ATXN7L3: variants seen among roughly 807,000 people sequenced by gnomAD.
The protein encoded by ATXN7L3 is ataxin-7-like protein 3.
A neutral mutation model predicts 50.0 loss-of-function variants in ATXN7L3; 6 were observed. The observed-to-expected ratio is 0.12, with a 90% confidence interval of 0.07 to 0.24. The LOEUF (loss-of-function observed/expected upper bound fraction) is 0.24, where lower values mean the gene tolerates loss of function less well. Among genes scored for constraint, ATXN7L3 ranks in the 10% least tolerant of loss-of-function variants. The pLI is 1.00. For missense variants in ATXN7L3, 322 were observed against 451.3 expected (o/e 0.71, Z 2.60); for synonymous variants, 198 against 165.8 (o/e 1.19, Z -1.49).
intron 9 of ATXN7L3, 42 bp downstream of exon 9, chr17:44,195,377 G>T: frequency 1.3e-6 from 2 of 1,589,978 alleles, no homozygotes; most frequent in Non-Finnish European, 1.7e-6. Flanking sequence ...TATGGCTCCA[G>T]CCCACTCCCA....
In ATXN7L3 at chr17:44,199,681, G is replaced by T. The variant is rs1197265949; in HGVS notation, c.-246C>A. 7.1e-6 allele frequency: 1 copy of T among 140,538 alleles called. No individual in the cohort carries two copies. The highest frequency in any genetic ancestry group is 1.6e-5 in the Non-Finnish European group (1 of 63,420). The allele number at this position is 140,538 out of a possible 1,614,324, so 8.7% of individuals were successfully genotyped here. A position where few individuals can be genotyped will look rare whatever the true frequency, so the allele number is the denominator to read the frequency against. On this transcript the variant is annotated 5_prime_UTR_variant, in exon 1 of 13. Transcript: ENST00000587097. ...CCTGGCCGCCTCACCGGGCGGCCATGGCCCCTTCCCCTCCCTTCTTGTCCC... is the reference window on the plus strand; with the variant it reads ...CCTGGCCGCCTCACCGGGCGGCCATTGCCCCTTCCCCTCCCTTCTTGTCCC...
At chr17:44,197,070 G>A (rs759707737) in intron 4 of ATXN7L3, 44 bp from the exon 5 acceptor site, 3 of 1,572,388 alleles carry the variant, frequency 1.9e-6, no homozygotes, top group African/African-American at 2.7e-5. Flanking sequence ...GGAAGGAAGA[G>A]AAAGGGGTCA....
chr17:44,195,105 C>A lies in ATXN7L3; in HGVS notation c.657G>T (p.Met219Ile). 1 of 1,614,162 alleles carries A rather than the reference C, an allele frequency of 6.2e-7. No homozygotes were observed. Residue 219 changes from methionine (M) to isoleucine (I), a missense_variant, in exon 10 of 13, where the codon ATG becomes ATT. Transcript: ENST00000587097. ...CTAGGTTCTGTGCTCACCTTGTGCA[C>A]ATCTTCTTGGTGTGTTCAGAAATCA... Reference protein sequence around the residue: ...CGVISEHTKKMCTRSLRCPQH... With the variant: ...CGVISEHTKKICTRSLRCPQH...
At chr17:44,195,635 C>A in intron 8 of ATXN7L3, 148 bp from the exon 9 acceptor site, 1 of 1,191,076 alleles carries the variant, frequency 8.4e-7, no homozygotes, top group Non-Finnish European at 1.2e-6. Context: ...CTCATCCCAT[C>A]TGCCAATGGA....
Position 44,194,107 on chromosome 17 carries a change from C to T in ATXN7L3, c.*156G>A, listed in dbSNP as rs2055792652. 3 of 970,032 alleles carry T rather than the reference C, an allele frequency of 3.1e-6. No individual in the cohort carries two copies. Among genetic ancestry groups the T allele is most frequent in the Admixed American group, 2.4e-5 (1 of 40,854 alleles). The allele number at this position is 970,032 out of a possible 1,614,324, so 60.1% of individuals were successfully genotyped here. ...GCTCCATTGCAGAGGACTTTGACAC[C>T]CCCCAGGGGCGCATAATCGGATCCT... On this transcript the variant is annotated 3_prime_UTR_variant, in exon 13 of 13. Coordinates refer to ENST00000587097, the MANE Select transcript of ATXN7L3 (RefSeq NM_001382309.1).
intron 6 of ATXN7L3, 154 bp downstream of exon 6, chr17:44,196,242 C>CAAG: frequency 2.1e-6 from 1 of 477,000 alleles, no homozygotes; most frequent in Non-Finnish European, 3.8e-6. Context: ...ACCCCCCTTC[C>CAAG]CCACCCACAC....
chr17:44,195,219 C>T, intron 9 of ATXN7L3, 79 bp from the exon 10 acceptor site: 1 of 1,505,616 alleles, frequency 6.6e-7, no homozygotes, highest in Non-Finnish European at 9.2e-7. Context: ...TGTATAAATG[C>T]TAGATAGCAC....
chr17:44,194,267 T>C lies in ATXN7L3; in HGVS notation c.1040A>G (p.Asn347Ser), dbSNP rs752084281. 1 of 1,614,130 alleles carries C rather than the reference T, an allele frequency of 6.2e-7. No homozygotes were observed. The highest frequency in any genetic ancestry group is 1.7e-5 in the Admixed American group (1 of 60,018). Residue 347 changes from asparagine to serine, a missense_variant, in exon 13 of 13, where the codon AAC becomes AGC. Around this residue, in one of 5 missense-constraint regions of ATXN7L3, gnomAD observed 122 missense variants for 130.8 expected, o/e 0.93. Transcript: ENST00000587097. ...AGGCTATCCCTTGCACCCAAGTCAG[T>C]TGATGTCATCATAGATGCTGGGCGT... ...PPTPSIYDDI[N>S]
At chr17:44,197,524 C>G in intron 3 of ATXN7L3, 74 bp downstream of exon 3, 1 of 1,607,086 alleles carries the variant, frequency 6.2e-7, no homozygotes, top group African/African-American at 1.3e-5. Context: ...ACATCTAGCA[C>G]AGTTTCCAGA....
In ATXN7L3 at chr17:44,194,144, G is replaced by A; in HGVS notation, c.*119C>T. The A allele has an allele frequency of 7.3e-7, 1 of 1,361,538 alleles. No homozygotes were observed. Among genetic ancestry groups the A allele is most frequent in the Non-Finnish European group, 1.0e-6 (1 of 999,134 alleles). The allele number at this position is 1,361,538 out of a possible 1,614,324, so 84.3% of individuals were successfully genotyped here. ...CATAATCGGATCCTCTGCCTGCCTG[G>A]CCCACCAAGCTTCCCAAGCCCCAAC... On this transcript the variant is annotated 3_prime_UTR_variant, in exon 13 of 13. Coordinates refer to ENST00000587097, the MANE Select transcript of ATXN7L3 (RefSeq NM_001382309.1).
At chr17:44,194,733 T>A (rs1197560611) in intron 11 of ATXN7L3, 35 bp downstream of exon 11, 1 of 1,613,730 alleles carries the variant, frequency 6.2e-7, no homozygotes, top group South Asian at 1.1e-5. Flanking sequence ...CCCTAACTGG[T>A]CACAACCCCC....
At chr17:44,194,977 A>C (rs1215573503) in intron 10 of ATXN7L3, 120 bp downstream of exon 10, 1 of 1,460,484 alleles carries the variant, frequency 6.8e-7, no homozygotes, top group African/African-American at 1.4e-5. Flanking sequence ...AGGCCTCATC[A>C]TTAGAGGAGG....
chr17:44,196,488 C>G, intron 5 of ATXN7L3, 70 bp from the exon 6 acceptor site: 1 of 1,602,698 alleles, frequency 6.2e-7, no homozygotes, highest in Non-Finnish European at 8.5e-7. Context: ...CTCAAGAAAA[C>G]CATACAACAG....
At position 44,194,316 on chromosome 17, in the gene ATXN7L3, T is replaced by G. The variant is rs576155563; in HGVS notation, c.991A>C (p.Lys331Gln). 9.9e-5 allele frequency: 160 copies of G among 1,614,070 alleles called. No individual in the cohort carries two copies. Among genetic ancestry groups the G allele is most frequent in the Middle Eastern group, 1.6e-4 (1 of 6,062 alleles). ...GTCGGGGGTGCCGGTGGCTTTGGCTTCTTCTTCTTGTTGGAACCTAGGCCG... is the reference window on the plus strand; with the variant it reads ...GTCGGGGGTGCCGGTGGCTTTGGCTGCTTCTTCTTGTTGGAACCTAGGCCG... Reference protein sequence around the residue: ...ASGLGSNKKKKPKPPAPPTPS... With the variant: ...ASGLGSNKKKQPKPPAPPTPS... The change falls in exon 13 of 13, where the codon AAG becomes CAG. Residue 331 changes from lysine (K) to glutamine (Q), a missense_variant. By Grantham distance (53) the Lys-to-Gln change is moderately conservative. This residue lies in a region of ATXN7L3 where 122 missense variants were observed against 130.8 expected (regional missense o/e 0.93). Transcript: ENST00000587097.
rs867605679 is a variant in ATXN7L3 at position 44,199,525 on chromosome 17, C to T, written c.-90G>A. 3.6e-4 allele frequency: 53 copies of T among 147,078 alleles called. 2 individuals are homozygous for T. The South Asian group carries it at 0.011, about 31-fold the overall frequency. The allele number at this position is 147,078 out of a possible 1,614,324, so 9.1% of individuals were successfully genotyped here. A position where few individuals can be genotyped will look rare whatever the true frequency, so the allele number is the denominator to read the frequency against. On this transcript the variant is annotated 5_prime_UTR_variant, in exon 1 of 13. Coordinates refer to ENST00000587097, the MANE Select transcript of ATXN7L3 (RefSeq NM_001382309.1). ...CCCGGGGGGCCGCGCCGGGGCCCGG[C>T]AGCCTCTCAGGGCCGCGTCCTCCGG...
At chr17:44,198,368 T>C (rs1310938371) in intron 1 of ATXN7L3, 1 of 392,212 alleles carries the variant, frequency 2.5e-6, no homozygotes. Flanking sequence ...TCTGGGTCTA[T>C]AGGAGGCAGC....
At position 44,194,601 on chromosome 17, in the gene ATXN7L3, G is replaced by A. The variant is rs1391477050; in HGVS notation, c.811C>T (p.Arg271Trp). Reference sequence around the variant, plus strand: ...TCAGAGGAGCCGTCCCACTGAAGCCGGCTGATCAGGGCCTGGCTGTCAGTC... The same window carrying A: ...TCAGAGGAGCCGTCCCACTGAAGCCAGCTGATCAGGGCCTGGCTGTCAGTC... The part of the protein sequence containing the change: ...DMTDSQALIS[R>W]LQWDGSSDLS... Residue 271 changes from arginine (R) to tryptophan (W), a missense_variant, in exon 12 of 13, where the codon CGG (arginine) becomes TGG (tryptophan). Physicochemically the swap from Arg to Trp is moderately radical, Grantham distance 101. Around this residue, in one of 5 missense-constraint regions of ATXN7L3, gnomAD observed 122 missense variants for 130.8 expected, o/e 0.93. Coordinates refer to ENST00000587097, the MANE Select transcript of ATXN7L3 (RefSeq NM_001382309.1). 6.2e-7 allele frequency: 1 copy of A among 1,613,888 alleles called. No homozygotes were observed. Among genetic ancestry groups the A allele is most frequent in the African/African-American group, 1.3e-5 (1 of 75,016 alleles).
chr17:44,196,872 A>G (rs2077500062), intron 5 of ATXN7L3, 57 bp downstream of exon 5: 1 of 1,306,948 alleles, frequency 7.7e-7, no homozygotes, highest in South Asian at 1.2e-5. Context: ...TGTATACCCA[A>G]TTCCTGCTTC....
chr17:44,194,446 G>A, intron 12 of ATXN7L3, 35 bp from the exon 13 acceptor site: 1 of 1,613,682 alleles, frequency 6.2e-7, no homozygotes, highest in Non-Finnish European at 8.5e-7. Context: ...TGAGAGTATG[G>A]TTATGGCAGG....
Sources: allele counts gnomAD v4.1 joint callset, GRCh38; gene constraint gnomAD v4.1.1; regional missense constraint gnomAD v4.1.1; transcripts MANE v1.5; gene names NCBI Gene and HGNC (gene_info 2026-07-23, HGNC 2026-07-21).